SCN9A: variants seen among roughly 807,000 people sequenced by gnomAD.
The protein encoded by SCN9A is sodium voltage-gated channel alpha subunit 9, also known as sodium channel protein type 9 subunit alpha.
SCN9A carries 131 observed loss-of-function variants against 187.0 expected under a neutral mutation model. The observed-to-expected ratio is 0.70, with a 90% CI of 0.61 to 0.81. The LOEUF (loss-of-function observed/expected upper bound fraction) is 0.81, where lower values mean the gene tolerates loss of function less well. SCN9A is among the 30% of genes least tolerant of loss of function. The probability of loss-of-function intolerance (pLI) is 0.00; values close to 1 mark genes in which losing one functional copy is unlikely to be tolerated. For missense variants in SCN9A, 2,252 were observed against 2,396.6 expected (o/e 0.94, Z 1.26); for synonymous variants, 809 against 808.6 (o/e 1.00, Z -0.01).
At chr2:166,250,090 T>A (rs1574804844) in intron 18 of SCN9A, among the ~76,000 whole-genome samples, 1 of 152,158 alleles carries the variant, frequency 6.6e-6, no homozygotes, top group African/African-American at 2.4e-5. Flanking sequence ...GCTTCTTACA[T>A]AAAATGATAT....
At chr2:166,344,073 C>G (rs1699847438) in intron 1 of SCN9A, among the ~76,000 whole-genome samples, 2 of 152,096 alleles carry the variant, frequency 1.3e-5, no homozygotes, top group South Asian at 4.1e-4. Flanking sequence ...AATGCTAAGT[C>G]TTTTTACAGG....
chr2:166,238,081 C>T lies in SCN9A; in HGVS notation c.3801+13G>A. 3 of 1,598,792 alleles carry T rather than the reference C, an allele frequency of 1.9e-6. No homozygotes were observed. The highest frequency in any genetic ancestry group is 1.7e-6 in the Non-Finnish European group (2 of 1,169,782). On this transcript the variant is annotated intron_variant, in intron 20 of 26. Transcript: ENST00000642356. ...AATAAATCCTCTTTTAAAATGTACT[C>T]AAAAGTACCTACATCAACAATTAGG...
chr2:166,303,128 C>T lies in SCN9A; in HGVS notation c.863G>A (p.Ser288Asn). Residue 288 changes from serine (S) to asparagine (N), a missense_variant, in exon 7 of 27, where the codon AGC (serine) becomes AAC (asparagine). Physicochemically the swap from Ser to Asn is conservative, Grantham distance 46. Coordinates refer to ENST00000642356, the MANE Select transcript of SCN9A (RefSeq NM_001365536.1). ...NSLENNETLESIMNTLESEED... is the reference protein window; with the variant it reads ...NSLENNETLENIMNTLESEED... ...TTCACTCTCTAGGGTATTCATTATG[C>T]TTTCTAATGTTTCATTATTTTCAAG... 2 of 1,608,990 alleles carry T rather than the reference C, an allele frequency of 1.2e-6. No individual in the cohort carries two copies. Among genetic ancestry groups the T allele is most frequent in the Non-Finnish European group, 1.7e-6 (2 of 1,176,834 alleles).
At chr2:166,303,374 C>G in intron 6 of SCN9A, 72 bp from the exon 7 acceptor site, 1 of 1,235,192 alleles carries the variant, frequency 8.1e-7, no homozygotes, top group Non-Finnish European at 1.2e-6. Flanking sequence ...ACAAGCTTTC[C>G]TAGAAAGTCA....
rs1258991294 is a variant in SCN9A, at chr2:166,286,589, A to G, written c.1349T>C (p.Ile450Thr). 1.3e-6 allele frequency: 2 copies of G among 1,582,160 alleles called. No individual in the cohort carries two copies. The highest frequency in any genetic ancestry group is 3.8e-5 in the Admixed American group (2 of 52,680). ...GAGGCCCATAATTCTGCTTCTCCTA[A>G]TACTTGTATATTCAGCCGCTGCCGC... ...IAAAAAEYTS[I>T]RRSRIMGLSE... Residue 450 changes from isoleucine to threonine, a missense_variant, in exon 11 of 27, where the codon ATT becomes ACT. Physicochemically the swap from Ile to Thr is moderately conservative, Grantham distance 89. This residue lies in a region of SCN9A where 1,013 missense variants were observed against 997.4 expected (regional missense o/e 1.02). Coordinates refer to ENST00000642356, the MANE Select transcript of SCN9A (RefSeq NM_001365536.1).
rs772337722 is a variant in SCN9A, at chr2:166,294,586, A to G, written c.965+13T>C. The G allele has an allele frequency of 5.2e-5, 84 of 1,600,580 alleles. No homozygotes were observed. The Admixed American group carries it at 7.7e-4, about 15-fold the overall frequency. Reference sequence around the variant, plus strand: ...TCAGCCTTTAGACTAAAAAGAAAACAAATATTACATACCCTGAATCTGTGC... The same window carrying G: ...TCAGCCTTTAGACTAAAAAGAAAACGAATATTACATACCCTGAATCTGTGC... On this transcript the variant is annotated intron_variant, in intron 8 of 26. Coordinates refer to ENST00000642356, the MANE Select transcript of SCN9A (RefSeq NM_001365536.1).
Position 166,288,483 on chromosome 2 carries a change from A to C in SCN9A, c.1268T>G (p.Phe423Cys). ...IEEAKQKELE[F>C]QQMLDRLKKE... Reference sequence around the variant, plus strand: ...TTTAAGACGGTCTAACATCTGTTGAAATTCTAATTCTTTCTGTTTAGCTTC... The same window carrying C: ...TTTAAGACGGTCTAACATCTGTTGACATTCTAATTCTTTCTGTTTAGCTTC... Residue 423 changes from phenylalanine to cysteine, a missense_variant, in exon 10 of 27, where the codon TTT becomes TGT. By Grantham distance (205) the Phe-to-Cys change is radical. This residue lies in a region of SCN9A where 1,013 missense variants were observed against 997.4 expected (regional missense o/e 1.02). Coordinates refer to ENST00000642356, the MANE Select transcript of SCN9A (RefSeq NM_001365536.1). 1.2e-6 allele frequency: 2 copies of C among 1,612,964 alleles called. No homozygotes were observed. The highest frequency in any genetic ancestry group is 1.7e-6 in the Non-Finnish European group (2 of 1,179,218).
chr2:166,269,742 C>T (rs1696894766), intron 17 of SCN9A, among the ~76,000 whole-genome samples: 2 of 151,986 alleles, frequency 1.3e-5, no homozygotes. Context: ...CATGAAAGGT[C>T]AGCCATTGAC....
In SCN9A at chr2:166,364,872, C is replaced by G. The variant is rs183115017; in HGVS notation, c.-51+10825G>C. Among the ~76,000 whole-genome samples the G allele has an allele frequency of 3.4e-4, 52 of 152,086 alleles. 2 individuals are homozygous for G. In the East Asian group the frequency reaches 9.1e-3, roughly 27 times the overall value. ...AAATATAAATTTTTAAATTCACTAG[C>G]GTGTTTTGAGATCCGTAAGGCAGAA... On this transcript the variant is annotated intron_variant, in intron 1 of 26. Coordinates refer to ENST00000642356, the MANE Select transcript of SCN9A (RefSeq NM_001365536.1).
intron 1 of SCN9A, among the ~76,000 whole-genome samples, chr2:166,347,207 A>G (rs1327940800): frequency 6.6e-6 from 1 of 152,206 alleles, no homozygotes; most frequent in Non-Finnish European, 1.5e-5. Flanking sequence ...TTTATAGCCC[A>G]TTCCTCTCTC....
At chr2:166,266,576 T>A (rs1489989026) in intron 17 of SCN9A, among the ~76,000 whole-genome samples, 1 of 8,260 alleles carries the variant, frequency 1.2e-4, no homozygotes, top group Non-Finnish European at 3.3e-4. Context: ...ATGTTAGGAC[T>A]TTTTTTTTTT....
intron 1 of SCN9A, among the ~76,000 whole-genome samples, chr2:166,338,235 T>C (rs1381290714): frequency 2.6e-5 from 4 of 152,130 alleles, no homozygotes; most frequent in South Asian, 2.1e-4. Flanking sequence ...CCCTTATCAA[T>C]TGTAACAACT....
At chr2:166,304,020 C>T (rs754055297) in intron 6 of SCN9A, 3 of 1,611,340 alleles carry the variant, frequency 1.9e-6, no homozygotes, top group Non-Finnish European at 8.5e-7. Flanking sequence ...GGTGTTTAAC[C>T]CCACTCTCAC....
intron 19 of SCN9A, among the ~76,000 whole-genome samples, chr2:166,239,757 A>G (rs1310192347): frequency 6.6e-6 from 1 of 152,132 alleles, no homozygotes; most frequent in South Asian, 2.1e-4. Flanking sequence ...TCACAAGGAA[A>G]ACGAAGCCTG....
chr2:166,311,521 T>C lies in SCN9A; in HGVS notation c.236A>G (p.Asp79Gly). Residue 79 changes from aspartate to glycine, a missense_variant, in exon 2 of 27, where the codon GAC becomes GGC. This residue lies in a region of SCN9A where 1,013 missense variants were observed against 997.4 expected (regional missense o/e 1.02). Transcript: ENST00000642356. ...GMVSEPLEDL[D>G]PYYADKKTFI... Reference sequence around the variant, plus strand: ...CACCTTTTTGTCTGCATAGTAGGGGTCCAAGTCCTCCAGGGGCTCTGACAC... The same window carrying C: ...CACCTTTTTGTCTGCATAGTAGGGGCCCAAGTCCTCCAGGGGCTCTGACAC... The C allele has an allele frequency of 6.2e-7, 1 of 1,608,088 alleles. No homozygotes were observed. Among genetic ancestry groups the C allele is most frequent in the Non-Finnish European group, 8.5e-7 (1 of 1,177,112 alleles).
Position 166,280,437 on chromosome 2 carries a change from C to G in SCN9A, c.2263G>C (p.Val755Leu). Residue 755 changes from valine (V) to leucine (L), a missense_variant, in exon 14 of 27, where the codon GTT becomes CTT. This residue lies in a region of SCN9A where 1,013 missense variants were observed against 997.4 expected (regional missense o/e 1.02). Coordinates refer to ENST00000642356, the MANE Select transcript of SCN9A (RefSeq NM_001365536.1). ...ATAGCCATAAATAATGTGTTTAAAA[C>G]TATGCAAATGGTAATTGCAAGATCT... ...FVDLAITICI[V>L]LNTLFMAMEH... 6.3e-7 allele frequency: 1 copy of G among 1,591,506 alleles called. No individual in the cohort carries two copies. The highest frequency in any genetic ancestry group is 8.6e-7 in the Non-Finnish European group (1 of 1,167,376).
chr2:166,372,530 AT>A (rs2105332911), intron 1 of SCN9A, among the ~76,000 whole-genome samples: 1 of 152,124 alleles, frequency 6.6e-6, no homozygotes, highest in East Asian at 1.9e-4. Context: ...ATGCAATCCA[AT>A]TTTTTCTTAA....
chr2:166,281,887 G>A (rs1404808398), intron 12 of SCN9A, 79 bp from the exon 13 acceptor site: 2 of 1,296,262 alleles, frequency 1.5e-6, no homozygotes, highest in Non-Finnish European at 2.1e-6. Flanking sequence ...TGCTTATATA[G>A]CTGTAGTGAG....
chr2:166,337,901 A>C (rs1267197484), intron 1 of SCN9A, among the ~76,000 whole-genome samples: 1 of 152,170 alleles, frequency 6.6e-6, no homozygotes, highest in Non-Finnish European at 1.5e-5. Flanking sequence ...AACTCAATAC[A>C]TACCTCTATT....
Sources: allele counts gnomAD v4.1 joint callset (sites outside exome capture counted in the v4.1 genomes callset), GRCh38; gene constraint gnomAD v4.1.1; regional missense constraint gnomAD v4.1.1; transcripts MANE v1.5; gene names NCBI Gene and HGNC (gene_info 2026-07-23, HGNC 2026-07-21).